The following OXCT1 variants were observed in gnomAD, a reference collection of about 807,000 sequenced individuals.
The protein encoded by OXCT1 is succinyl-CoA:3-ketoacid coenzyme A transferase 1, mitochondrial.
Under a neutral mutation model 69.6 loss-of-function variants are expected in OXCT1, and 27 were observed. The observed-to-expected ratio is 0.39, with a 90% confidence interval of 0.29 to 0.54. The LOEUF (loss-of-function observed/expected upper bound fraction) is 0.54. Ranked by LOEUF, OXCT1 falls within the 20% of genes least tolerant of loss-of-function variation. The pLI is 0.72. For missense variants in OXCT1, 437 were observed against 650.2 expected (o/e 0.67, Z 3.57); for synonymous variants, 202 against 217.8 (o/e 0.93, Z 0.64).
intron 8 of OXCT1, 52 bp from the exon 9 acceptor site, chr5:41,805,733 T>G: frequency 8.6e-7 from 1 of 1,162,348 alleles, no homozygotes; most frequent in Non-Finnish European, 1.3e-6. Context: ...GCTTTGTATT[T>G]TATCACTGCT....
At chr5:41,767,722 GTATATATA>G (rs367584226) in intron 13 of OXCT1, among the ~76,000 whole-genome samples, 20 of 89,956 alleles carry the variant, frequency 2.2e-4, no homozygotes, top group African/African-American at 5.4e-4. Context: ...ATATGTGTGT[GTATATATA>G]TATATATATA....
chr5:41,805,782 C>G (rs1561091009), intron 8 of OXCT1, 101 bp from the exon 9 acceptor site: 2 of 782,346 alleles, frequency 2.6e-6, no homozygotes, highest in Non-Finnish European at 4.5e-6. Context: ...AGCTCTCTCC[C>G]ATTGTTATGA....
intron 9 of OXCT1, among the ~76,000 whole-genome samples, chr5:41,803,788 G>A (rs1161978005): frequency 6.6e-6 from 1 of 152,040 alleles, no homozygotes; most frequent in Admixed American, 6.6e-5. Flanking sequence ...AGGCATCAAA[G>A]AGTTAAATGA....
At chr5:41,860,123 T>C (rs1435439213) in intron 3 of OXCT1, among the ~76,000 whole-genome samples, 4 of 151,732 alleles carry the variant, frequency 2.6e-5, no homozygotes, top group Non-Finnish European at 5.9e-5. Context: ...TGTTTAAGAG[T>C]TATCGAGTTG....
chr5:41,811,590 G>A lies in OXCT1; in HGVS notation c.733-4152C>T, dbSNP rs116201538. Reference sequence around the variant, plus strand: ...TAGGCTTCATGCTAAGGAATGATAGGACCAGTACAAAAACACAGAAAAAAA... The same window carrying A: ...TAGGCTTCATGCTAAGGAATGATAGAACCAGTACAAAAACACAGAAAAAAA... On this transcript the variant is annotated intron_variant, in intron 7 of 16. Transcript: ENST00000196371. Among the ~76,000 whole-genome samples, 889 of 152,038 alleles carry A rather than the reference G, an allele frequency of 5.8e-3. 9 individuals carry two copies. The highest frequency in any genetic ancestry group is 0.02 in the African/African-American group (847 of 41,520).
At chr5:41,821,655 A>C (rs567006715) in intron 7 of OXCT1, among the ~76,000 whole-genome samples, 1 of 152,288 alleles carries the variant, frequency 6.6e-6, no homozygotes, top group South Asian at 2.1e-4. Context: ...ATAGGTGTGT[A>C]ATGGCATTTC....
At chr5:41,869,576 C>G (rs1750178307) in intron 1 of OXCT1, among the ~76,000 whole-genome samples, 1 of 152,188 alleles carries the variant, frequency 6.6e-6, no homozygotes, top group African/African-American at 2.4e-5. Flanking sequence ...AGCCCCTAAC[C>G]CGGATACGAG....
intron 6 of OXCT1, 126 bp downstream of exon 6, chr5:41,842,549 G>T: frequency 1.3e-6 from 1 of 763,248 alleles, no homozygotes; most frequent in Admixed American, 1.8e-5. Flanking sequence ...CTATATATGT[G>T]CAATACACAT....
intron 6 of OXCT1, among the ~76,000 whole-genome samples, chr5:41,842,121 T>A (rs184593832): frequency 7.9e-5 from 12 of 152,286 alleles, no homozygotes; most frequent in Non-Finnish European, 1.6e-4. Flanking sequence ...ATGCTTAGAA[T>A]AACCAAAAGA....
intron 7 of OXCT1, among the ~76,000 whole-genome samples, chr5:41,827,035 G>A (rs1393295329): frequency 6.6e-6 from 1 of 152,016 alleles, no homozygotes. Flanking sequence ...ATCTCTTAAT[G>A]CTATCCTCCT....
chr5:41,805,719 G>T, intron 8 of OXCT1, 38 bp from the exon 9 acceptor site: 3 of 1,315,148 alleles, frequency 2.3e-6, no homozygotes, highest in Non-Finnish European at 3.3e-6. Context: ...CGTGGTTGAG[G>T]TATGCTTTGT....
At chr5:41,817,241 AAG>A (rs1172503516) in intron 7 of OXCT1, among the ~76,000 whole-genome samples, 1 of 152,190 alleles carries the variant, frequency 6.6e-6, no homozygotes, top group African/African-American at 2.4e-5. Flanking sequence ...GTTAAAAAAA[AAG>A]ACAGTATGAT....
chr5:41,776,793 C>T (rs1745146062), intron 13 of OXCT1, among the ~76,000 whole-genome samples: 1 of 152,100 alleles, frequency 6.6e-6, no homozygotes, highest in African/African-American at 2.4e-5. Context: ...ATGGAAAAAA[C>T]TTTACTATCC....
At chr5:41,800,047 G>A (rs930910934) in intron 11 of OXCT1, among the ~76,000 whole-genome samples, 1 of 152,152 alleles carries the variant, frequency 6.6e-6, no homozygotes, top group African/African-American at 2.4e-5. Context: ...CTGCACTCCA[G>A]GGATGACATA....
intron 13 of OXCT1, among the ~76,000 whole-genome samples, chr5:41,765,826 A>G (rs972608173): frequency 6.6e-5 from 10 of 152,294 alleles, no homozygotes; most frequent in African/African-American, 2.4e-4. Flanking sequence ...GAGCACTACA[A>G]GTTAAGTGAA....
At chr5:41,793,093 C>T (rs980208919) in intron 13 of OXCT1, among the ~76,000 whole-genome samples, 1 of 152,204 alleles carries the variant, frequency 6.6e-6, no homozygotes, top group East Asian at 1.9e-4. Flanking sequence ...GCTAGACTAA[C>T]ATGATCTCTA....
At chr5:41,869,982 C>T in intron 1 of OXCT1, 25 of 441,560 alleles carry the variant, frequency 5.7e-5, no homozygotes, top group South Asian at 1.7e-4. Flanking sequence ...CGACGAGCGC[C>T]AAAGGGCTCG....
intron 13 of OXCT1, among the ~76,000 whole-genome samples, chr5:41,763,936 C>A (rs1744472327): frequency 2.0e-5 from 3 of 152,092 alleles, no homozygotes; most frequent in Admixed American, 2.0e-4. Context: ...AAATTACTGT[C>A]AATTAGTTTA....
At chr5:41,800,456 G>A (rs1029932390) in intron 11 of OXCT1, among the ~76,000 whole-genome samples, 35 of 151,720 alleles carry the variant, frequency 2.3e-4, no homozygotes, top group Admixed American at 1.8e-3. Context: ...CTTGAGATTC[G>A]CCAGTGGGAA....
Sources: allele counts gnomAD v4.1 joint callset (sites outside exome capture counted in the v4.1 genomes callset), GRCh38; gene constraint gnomAD v4.1.1; transcripts MANE v1.5; gene names NCBI Gene and HGNC (gene_info 2026-07-23, HGNC 2026-07-21).